FRAS1: variants seen among roughly 807,000 people sequenced by gnomAD.
FRAS1 encodes extracellular matrix organizing protein FRAS1.
Under a neutral mutation model 435.2 loss-of-function variants are expected in FRAS1, and 290 were observed. The ratio of observed to expected loss-of-function variants is 0.67; its 90% CI spans 0.61 to 0.73. FRAS1 has a LOEUF of 0.73. Ranked by LOEUF, FRAS1 falls within the 30% of genes least tolerant of loss-of-function variation. The pLI, the probability that FRAS1 is intolerant of heterozygous loss-of-function variation, is 0.00. For missense variants in FRAS1, 4,860 were observed against 5,001.5 expected (o/e 0.97, Z 0.85); for synonymous variants, 1,800 against 1,851.0 (o/e 0.97, Z 0.71).
chr4:78,123,704 G>A (rs1189812319), intron 2 of FRAS1, among the ~76,000 whole-genome samples: 1 of 152,140 alleles, frequency 6.6e-6, no homozygotes, highest in Non-Finnish European at 1.5e-5. Flanking sequence ...TCCCTTTTAA[G>A]TTGGATTCCT....
At chr4:78,306,283 G>T (rs1728710409) in intron 14 of FRAS1, among the ~76,000 whole-genome samples, 2 of 150,664 alleles carry the variant, frequency 1.3e-5, no homozygotes, top group South Asian at 4.3e-4. Flanking sequence ...TTTCTCTCTG[G>T]CTGCCCTTAA....
At chr4:78,254,688 C>G (rs570386768) in intron 5 of FRAS1, among the ~76,000 whole-genome samples, 2 of 152,206 alleles carry the variant, frequency 1.3e-5, no homozygotes, top group African/African-American at 4.8e-5. Flanking sequence ...CTGGGGCCAA[C>G]AACATAATTT....
At chr4:78,419,518 G>A (rs967226029) in intron 33 of FRAS1, among the ~76,000 whole-genome samples, 2 of 152,132 alleles carry the variant, frequency 1.3e-5, no homozygotes, top group African/African-American at 4.8e-5. Context: ...TCCCCGATTG[G>A]ATACATTACT....
At chr4:78,435,006 T>G (rs1381836213) in intron 38 of FRAS1, among the ~76,000 whole-genome samples, 1 of 152,042 alleles carries the variant, frequency 6.6e-6, no homozygotes, top group Non-Finnish European at 1.5e-5. Context: ...AAAAGCCTAA[T>G]GGACTTTTTA....
chr4:78,114,209 G>C (rs59088071), intron 2 of FRAS1, among the ~76,000 whole-genome samples: 8,226 of 152,064 alleles, frequency 0.054, 366 homozygotes, highest in African/African-American at 0.12. Flanking sequence ...GGTACCAGTA[G>C]CATGCTGTTT....
intron 37 of FRAS1, among the ~76,000 whole-genome samples, chr4:78,432,078 T>G (rs1023404597): frequency 5.3e-5 from 8 of 152,196 alleles, no homozygotes; most frequent in Non-Finnish European, 1.2e-4. Context: ...TTTAGCTCAA[T>G]ATGATTAAGA....
intron 3 of FRAS1, among the ~76,000 whole-genome samples, chr4:78,238,224 A>G (rs1439566793): frequency 6.6e-6 from 1 of 151,940 alleles, no homozygotes; most frequent in Non-Finnish European, 1.5e-5. Flanking sequence ...GACCAAGTCT[A>G]TGATTGGTAT....
At chr4:78,284,324 T>A (rs777446631) in intron 12 of FRAS1, 81 bp from the exon 13 acceptor site, 129 of 1,414,842 alleles carry the variant, frequency 9.1e-5, no homozygotes, top group Non-Finnish European at 1.2e-4. Flanking sequence ...CTACATACTT[T>A]GTAGATTCTT....
chr4:78,206,156 A>C (rs1347660984), intron 2 of FRAS1, among the ~76,000 whole-genome samples: 15 of 152,078 alleles, frequency 9.9e-5, no homozygotes, highest in Admixed American at 9.8e-4. Flanking sequence ...TAGGAGTTAG[A>C]GTGTCCTAGA....
At chr4:78,279,031 C>G (rs1195224874) in intron 10 of FRAS1, among the ~76,000 whole-genome samples, 1 of 152,156 alleles carries the variant, frequency 6.6e-6, no homozygotes, top group Non-Finnish European at 1.5e-5. Flanking sequence ...AAGAATAAAA[C>G]AGTGCAAGTG....
At chr4:78,272,451 C>T (rs1726754795) in intron 9 of FRAS1, among the ~76,000 whole-genome samples, 2 of 152,152 alleles carry the variant, frequency 1.3e-5, no homozygotes, top group Non-Finnish European at 2.9e-5. Context: ...TTAGGTCTGC[C>T]ATTTAAGTCT....
chr4:78,153,663 A>C (rs1276509068), intron 2 of FRAS1, among the ~76,000 whole-genome samples: 2 of 152,190 alleles, frequency 1.3e-5, no homozygotes, highest in Non-Finnish European at 2.9e-5. Flanking sequence ...ATTTCTAAAA[A>C]TAGTAGAAAG....
intron 2 of FRAS1, among the ~76,000 whole-genome samples, chr4:78,100,803 A>G (rs1006885297): frequency 4.6e-5 from 7 of 152,078 alleles, no homozygotes; most frequent in African/African-American, 1.7e-4. Flanking sequence ...TGAGGTATGG[A>G]TATTATTATC....
chr4:78,410,863 G>A (rs1733304941), intron 31 of FRAS1, among the ~76,000 whole-genome samples: 1 of 152,156 alleles, frequency 6.6e-6, no homozygotes, highest in Non-Finnish European at 1.5e-5. Flanking sequence ...ATGTTCTCCT[G>A]ATGTAAAAGT....
intron 66 of FRAS1, among the ~76,000 whole-genome samples, chr4:78,516,657 G>C (rs949199445): frequency 6.6e-6 from 1 of 152,190 alleles, no homozygotes; most frequent in Non-Finnish European, 1.5e-5. Flanking sequence ...GGCTGGAGAG[G>C]CCTCAGGAAA....
rs746290270 is a variant in FRAS1, at chr4:78,519,359, C to T, written c.10418C>T (p.Thr3473Ile). Reference sequence around the variant, plus strand: ...AGGGACTCTGCCCAGTCCTTCTTGACAGTGCACGTGCCTCTATATGTGTCC... The same window carrying T: ...AGGGACTCTGCCCAGTCCTTCTTGATAGTGCACGTGCCTCTATATGTGTCC... ...QVRDSAQSFLTVHVPLYVSYI... is the reference protein window; with the variant it reads ...QVRDSAQSFLIVHVPLYVSYI... Residue 3473 changes from threonine to isoleucine, a missense_variant, in exon 67 of 74, where the codon ACA becomes ATA. Transcript: ENST00000512123. 33 of 1,582,620 alleles carry T rather than the reference C, an allele frequency of 2.1e-5. No homozygotes were observed. In the African/African-American group the frequency reaches 2.8e-4, roughly 13 times the overall value.
intron 2 of FRAS1, among the ~76,000 whole-genome samples, chr4:78,219,028 C>A (rs1723927759): frequency 6.6e-6 from 1 of 152,168 alleles, no homozygotes; most frequent in Non-Finnish European, 1.5e-5. Context: ...TAGAGGATTT[C>A]AGCTCCAGTA....
intron 25 of FRAS1, among the ~76,000 whole-genome samples, chr4:78,374,522 G>A (rs1198294413): frequency 3.9e-5 from 6 of 152,314 alleles, no homozygotes; most frequent in Middle Eastern, 3.4e-3. Flanking sequence ...GGAATGTAAC[G>A]CTTCTATTGA....
chr4:78,241,778 A>G (rs909276460), intron 3 of FRAS1, among the ~76,000 whole-genome samples: 4 of 152,180 alleles, frequency 2.6e-5, no homozygotes, highest in East Asian at 1.9e-4. Context: ...AAGGTTGGCT[A>G]TAACTGTGTG....
Sources: gnomAD v4.1 joint callset for allele counts (sites outside exome capture counted in the v4.1 genomes callset) on GRCh38, gnomAD v4.1.1 for gene constraint, MANE v1.5 for transcripts, NCBI Gene and HGNC (gene_info 2026-07-23, HGNC 2026-07-21) for gene names.